Variants in PDZRN4 observed in about 807,000 individuals in gnomAD.
PDZRN4 encodes the protein PDZ domain containing ring finger 4.
Under a neutral mutation model 99.0 loss-of-function variants are expected in PDZRN4, and 70 were observed. The ratio of observed to expected loss-of-function variants is 0.71; its 90% CI spans 0.58 to 0.86. The LOEUF (loss-of-function observed/expected upper bound fraction) is 0.86. Ranked by LOEUF, PDZRN4 falls within the 40% of genes least tolerant of loss-of-function variation. The pLI, the probability that PDZRN4 is intolerant of heterozygous loss-of-function variation, is 0.00. For synonymous variants in PDZRN4, 551 were observed against 501.6 expected (o/e 1.10, Z -1.32); for missense variants, 1,474 against 1,331.2 (o/e 1.11, Z -1.67).
At chr12:41,222,005 A>G (rs1312721525) in intron 3 of PDZRN4, among the ~76,000 whole-genome samples, 3 of 152,188 alleles carry the variant, frequency 2.0e-5, no homozygotes, top group Admixed American at 6.6e-5. Flanking sequence ...CTAAGATATA[A>G]TGTGGTAAAA....
chr12:41,370,425 A>C (rs1308609694), intron 3 of PDZRN4, among the ~76,000 whole-genome samples: 2 of 151,832 alleles, frequency 1.3e-5, no homozygotes, highest in Non-Finnish European at 2.9e-5. Flanking sequence ...CTTATTTCTC[A>C]CTTTGCTAAT....
intron 3 of PDZRN4, among the ~76,000 whole-genome samples, chr12:41,482,243 CATCTCTCTCTGAT>C (rs1345644365): frequency 6.6e-6 from 1 of 152,152 alleles, no homozygotes; most frequent in Non-Finnish European, 1.5e-5. Context: ...TTTTCCTTGT[CATCTCTCTCTGAT>C]ATCAAAATGA....
rs1951347370 is a variant in PDZRN4, at chr12:41,275,917, T to C, written c.843+81729T>C. On this transcript the variant is annotated intron_variant, in intron 3 of 9. Transcript: ENST00000402685. ...GAAAAATGAAGGTGATTTTGAGGGATGTGAGACTAGAGAAGACTATGATAG... is the reference window on the plus strand; with the variant it reads ...GAAAAATGAAGGTGATTTTGAGGGACGTGAGACTAGAGAAGACTATGATAG... Among the ~76,000 whole-genome samples, 3 of 152,182 alleles carry C rather than the reference T, an allele frequency of 2.0e-5. No individual in the cohort carries two copies. In the South Asian group the frequency reaches 6.2e-4, roughly 32 times the overall value.
intron 3 of PDZRN4, chr12:41,437,688 G>T: frequency 4.6e-6 from 6 of 1,307,976 alleles, no homozygotes; most frequent in Non-Finnish European, 4.0e-6. Flanking sequence ...CAGAGACGGG[G>T]GAGTGTTGCC....
At chr12:41,304,679 G>C (rs992494770) in intron 3 of PDZRN4, among the ~76,000 whole-genome samples, 2 of 152,178 alleles carry the variant, frequency 1.3e-5, no homozygotes, top group African/African-American at 4.8e-5. Flanking sequence ...ATATAAAAAT[G>C]AATAGGATAT....
intron 3 of PDZRN4, among the ~76,000 whole-genome samples, chr12:41,415,323 G>A (rs1952435408): frequency 6.7e-6 from 1 of 148,578 alleles, no homozygotes; most frequent in Admixed American, 6.8e-5. Context: ...TTATATATAT[G>A]AAATAATATA....
intron 3 of PDZRN4, among the ~76,000 whole-genome samples, chr12:41,322,245 G>T (rs996999599): frequency 6.6e-6 from 1 of 151,832 alleles, no homozygotes; most frequent in African/African-American, 2.4e-5. Context: ...TGGCTAGGCT[G>T]GTCTCAAACT....
intron 3 of PDZRN4, among the ~76,000 whole-genome samples, chr12:41,234,686 G>A (rs948666409): frequency 2.6e-5 from 4 of 152,018 alleles, no homozygotes; most frequent in African/African-American, 9.7e-5. Context: ...AACCCTAAAG[G>A]ACAACGTTTT....
chr12:41,449,922 C>T (rs1165079868), intron 3 of PDZRN4, among the ~76,000 whole-genome samples: 1 of 151,866 alleles, frequency 6.6e-6, no homozygotes, highest in Non-Finnish European at 1.5e-5. Flanking sequence ...ATTTTATATA[C>T]ACTCCTCTTT....
At chr12:41,503,049 T>C (rs867111228) in intron 3 of PDZRN4, among the ~76,000 whole-genome samples, 1 of 152,146 alleles carries the variant, frequency 6.6e-6, no homozygotes, top group Non-Finnish European at 1.5e-5. Context: ...TTTTCTTTTC[T>C]TGGGAAAGGC....
chr12:41,437,046 C>CA (rs1306856766), intron 3 of PDZRN4, among the ~76,000 whole-genome samples: 3 of 152,166 alleles, frequency 2.0e-5, no homozygotes, highest in Non-Finnish European at 2.9e-5. Context: ...GATGGGCCTT[C>CA]ATTATCTAAT....
intron 3 of PDZRN4, among the ~76,000 whole-genome samples, chr12:41,396,346 C>T (rs1204056555): frequency 1.3e-5 from 2 of 152,102 alleles, no homozygotes; most frequent in African/African-American, 2.4e-5. Flanking sequence ...AACACTCTCC[C>T]AAAAGTCCAC....
chr12:41,307,321 G>A (rs1430622432), intron 3 of PDZRN4, among the ~76,000 whole-genome samples: 2 of 152,138 alleles, frequency 1.3e-5, no homozygotes, highest in Non-Finnish European at 2.9e-5. Flanking sequence ...CATGCAGATG[G>A]CTGCCTTCTC....
At chr12:41,510,074 G>A (rs917288652) in intron 5 of PDZRN4, among the ~76,000 whole-genome samples, 161 bp downstream of exon 5, 9 of 152,010 alleles carry the variant, frequency 5.9e-5, no homozygotes, top group African/African-American at 2.2e-4. Context: ...TGTGGCTCTC[G>A]TGTTTTAAGT....
intron 9 of PDZRN4, among the ~76,000 whole-genome samples, chr12:41,568,439 CATA>C (rs1321246665): frequency 2.0e-5 from 3 of 152,110 alleles, no homozygotes; most frequent in Non-Finnish European, 4.4e-5. Flanking sequence ...ACACATTTCC[CATA>C]GTATAACTTG....
intron 3 of PDZRN4, among the ~76,000 whole-genome samples, chr12:41,256,994 T>C (rs1951208284): frequency 6.6e-6 from 1 of 152,180 alleles, no homozygotes; most frequent in South Asian, 2.1e-4. Flanking sequence ...CTACTCACTT[T>C]CCTCCACATT....
intron 3 of PDZRN4, among the ~76,000 whole-genome samples, chr12:41,371,027 G>A (rs537841222): frequency 8.0e-5 from 12 of 150,678 alleles, no homozygotes; most frequent in South Asian, 2.1e-4. Flanking sequence ...AGTATCAACC[G>A]GCTCTCCATA....
intron 3 of PDZRN4, among the ~76,000 whole-genome samples, chr12:41,345,215 T>C (rs1951844892): frequency 6.6e-6 from 1 of 152,222 alleles, no homozygotes; most frequent in African/African-American, 2.4e-5. Flanking sequence ...GTTCTCATTA[T>C]GTGTGGCGAG....
chr12:41,347,154 G>T (rs185384147), intron 3 of PDZRN4, among the ~76,000 whole-genome samples: 1 of 152,022 alleles, frequency 6.6e-6, no homozygotes, highest in Admixed American at 6.6e-5. Flanking sequence ...ATTTTCCTTG[G>T]GTATATACCT....
Sources: gnomAD v4.1 joint callset for allele counts (sites outside exome capture counted in the v4.1 genomes callset) on GRCh38, gnomAD v4.1.1 for gene constraint, MANE v1.5 for transcripts, NCBI Gene and HGNC (gene_info 2026-07-23, HGNC 2026-07-21) for gene names.